PDE3B: variants seen among roughly 807,000 people sequenced by gnomAD.
PDE3B encodes cGMP-inhibited 3',5'-cyclic phosphodiesterase 3B.
A neutral mutation model predicts 116.8 loss-of-function variants in PDE3B; 66 were observed. The observed-to-expected ratio is 0.56, with a 90% CI of 0.46 to 0.69. The LOEUF is 0.69. PDE3B is among the 30% of genes least tolerant of loss of function. PDE3B has a pLI of 0.00. For synonymous variants in PDE3B, 595 were observed against 533.6 expected (o/e 1.12, Z -1.59); for missense variants, 1,384 against 1,368.1 (o/e 1.01, Z -0.18).
At chr11:14,788,877 A>G (rs536948426) in intron 3 of PDE3B, 3 of 312,362 alleles carry the variant, frequency 9.6e-6, no homozygotes, top group African/African-American at 6.5e-5. Context: ...AATCTAGCTT[A>G]AATTATAGAG....
the PDE3B span, among the ~76,000 whole-genome samples, chr11:14,895,770 A>G: frequency 6.6e-6 from 1 of 152,202 alleles, no homozygotes; most frequent in Non-Finnish European, 1.5e-5. Flanking sequence ...ATTCCCTATA[A>G]CAGGCTAAGT....
At chr11:14,863,365 G>A (rs1327389669) in intron 14 of PDE3B, among the ~76,000 whole-genome samples, 2 of 152,066 alleles carry the variant, frequency 1.3e-5, no homozygotes, top group African/African-American at 2.4e-5. Context: ...GTTTCCTGAC[G>A]TTCTAATGAT....
Position 14,818,362 on chromosome 11 carries a change from C to G in PDE3B, c.1702C>G (p.Leu568Val). ...TAATACTCCAGATTTTTATCAGCAA[C>G]TTAGAAATTCTGATAGCAATCTGTG... ...APNTPDFYQQ[L>V]RNSDSNLCNS... Residue 568 changes from leucine to valine, a missense_variant, in exon 6 of 16, where the codon CTT becomes GTT. Physicochemically the swap from Leu to Val is conservative, Grantham distance 32. Around this residue, in one of 2 missense-constraint regions of PDE3B, gnomAD observed 956 missense variants for 806.8 expected, o/e 1.18. Coordinates refer to ENST00000282096, the MANE Select transcript of PDE3B (RefSeq NM_000922.4). 2 of 1,611,166 alleles carry G rather than the reference C, an allele frequency of 1.2e-6. No homozygotes were observed. The highest frequency in any genetic ancestry group is 1.7e-6 in the Non-Finnish European group (2 of 1,177,426).
At chr11:14,787,791 A>G (rs920364052) in intron 3 of PDE3B, among the ~76,000 whole-genome samples, 6 of 151,906 alleles carry the variant, frequency 3.9e-5, no homozygotes, top group African/African-American at 1.4e-4. Context: ...GCAATAAACC[A>G]TAAATAAAAT....
At chr11:14,724,016 A>G (rs1335872831) in intron 1 of PDE3B, among the ~76,000 whole-genome samples, 3 of 152,166 alleles carry the variant, frequency 2.0e-5, no homozygotes, top group Non-Finnish European at 4.4e-5. Flanking sequence ...TGGAAATATC[A>G]TTGTAGTTAA....
At chr11:14,729,698 A>G (rs1224456350) in intron 1 of PDE3B, among the ~76,000 whole-genome samples, 1 of 152,236 alleles carries the variant, frequency 6.6e-6, no homozygotes, top group Non-Finnish European at 1.5e-5. Context: ...TACCTATTAC[A>G]TAAAGTATGA....
intron 1 of PDE3B, among the ~76,000 whole-genome samples, chr11:14,661,479 G>A (rs976129368): frequency 5.3e-5 from 8 of 152,220 alleles, no homozygotes; most frequent in African/African-American, 1.2e-4. Context: ...GCAGCGCACC[G>A]TGCACGAGCC....
intron 7 of PDE3B, among the ~76,000 whole-genome samples, chr11:14,820,228 C>CG (rs1565151840): frequency 7.4e-6 from 1 of 134,804 alleles, no homozygotes; most frequent in Admixed American, 8.3e-5. Context: ...CTTCCCAACT[C>CG]ATTCTTTTTT....
At chr11:14,668,825 A>G (rs1017888662) in intron 1 of PDE3B, among the ~76,000 whole-genome samples, 3 of 151,968 alleles carry the variant, frequency 2.0e-5, no homozygotes, top group Non-Finnish European at 4.4e-5. Flanking sequence ...AAACACTACT[A>G]TGTCAAAAAG....
Position 14,644,441 on chromosome 11 carries a change from C to T in PDE3B, c.366C>T (p.Leu122=), listed in dbSNP as rs778208510. 5.6e-6 allele frequency: 9 copies of T among 1,613,046 alleles called. No homozygotes were observed. Among genetic ancestry groups the T allele is most frequent in the Non-Finnish European group, 3.4e-6 (4 of 1,179,646 alleles). Residue 122 remains leucine, a synonymous_variant, in exon 1 of 16, where the codon CTC becomes CTT. Transcript: ENST00000282096. ...TGTGTTCGCACAGCTTGAGCCCCCT[C>T]TTCAGCATCGCCTGTGCCTTCTTCT... ...LSVCSHSLSP[L]FSIACAFFFL... is the part of the protein sequence containing the mutation.
At chr11:14,854,491 G>C (rs2133985473) in intron 12 of PDE3B, among the ~76,000 whole-genome samples, 1 of 151,858 alleles carries the variant, frequency 6.6e-6, no homozygotes. Flanking sequence ...ATACATAACA[G>C]CAGAGAGATT....
intron 1 of PDE3B, among the ~76,000 whole-genome samples, chr11:14,663,586 C>A (rs989630040): frequency 1.3e-5 from 2 of 152,062 alleles, no homozygotes; most frequent in East Asian, 1.9e-4. Flanking sequence ...TCTACCAAGC[C>A]AATGGAAAAC....
intron 1 of PDE3B, among the ~76,000 whole-genome samples, chr11:14,721,860 G>C (rs1409281413): frequency 7.3e-6 from 1 of 136,450 alleles, no homozygotes; most frequent in South Asian, 2.6e-4. Flanking sequence ...CACCAGCATG[G>C]CACATGTATA....
intron 13 of PDE3B, among the ~76,000 whole-genome samples, chr11:14,859,620 TTA>T (rs1156917667): frequency 2.4e-4 from 36 of 152,308 alleles, no homozygotes; most frequent in African/African-American, 8.7e-4. Flanking sequence ...AAAATTAACT[TTA>T]TGTGTTTCTT....
At chr11:14,662,678 T>C (rs985824765) in intron 1 of PDE3B, among the ~76,000 whole-genome samples, 11 of 152,280 alleles carry the variant, frequency 7.2e-5, no homozygotes, top group African/African-American at 2.2e-4. Flanking sequence ...CCTTAGGAGC[T>C]GATGCGATCA....
At chr11:14,737,639 T>G (rs576751303) in intron 1 of PDE3B, among the ~76,000 whole-genome samples, 1 of 152,220 alleles carries the variant, frequency 6.6e-6, no homozygotes, top group Non-Finnish European at 1.5e-5. Context: ...TATTATACTT[T>G]AAGTTTTAGG....
Position 14,813,229 on chromosome 11 carries a change from T to C in PDE3B, c.1523-4954T>C, listed in dbSNP as rs189226336. Among the ~76,000 whole-genome samples the C allele has an allele frequency of 4.0e-3, 603 of 152,342 alleles. 5 individuals are homozygous for C. Among genetic ancestry groups the C allele is most frequent in the African/African-American group, 0.014 (586 of 41,586 alleles). ...CTTAAATAACACAAATTTATACTTA[T>C]AATTCTGGAGGTCAGAAGTTTAAAA... On this transcript the variant is annotated intron_variant, in intron 5 of 15. Transcript: ENST00000282096.
At chr11:14,860,337 TCTCTC>T (rs141826668) in intron 13 of PDE3B, among the ~76,000 whole-genome samples, 3,697 of 152,158 alleles carry the variant, frequency 0.024, 130 homozygotes, top group African/African-American at 0.085. Flanking sequence ...AAAGAGCTCT[TCTCTC>T]AAGTGTTTTC....
At chr11:14,862,587 T>A (rs1401531023) in intron 14 of PDE3B, among the ~76,000 whole-genome samples, 1 of 152,120 alleles carries the variant, frequency 6.6e-6, no homozygotes, top group East Asian at 1.9e-4. Context: ...CTTAAATCTT[T>A]TTTTGAGACA....
Sources: allele counts gnomAD v4.1 joint callset (sites outside exome capture counted in the v4.1 genomes callset), GRCh38; gene constraint gnomAD v4.1.1; regional missense constraint gnomAD v4.1.1; transcripts MANE v1.5; gene names NCBI Gene and HGNC (gene_info 2026-07-23, HGNC 2026-07-21).